The following RPS6KA5 variants were observed in gnomAD, a reference collection of about 807,000 sequenced individuals.
RPS6KA5 encodes ribosomal protein S6 kinase alpha-5.
RPS6KA5 carries 27 observed loss-of-function variants against 85.5 expected under a neutral mutation model. That is an observed-to-expected ratio of 0.32 (90% CI 0.23 to 0.44). The LOEUF (loss-of-function observed/expected upper bound fraction) is 0.44. Among genes scored for constraint, RPS6KA5 ranks in the 20% least tolerant of loss-of-function variants. The probability of loss-of-function intolerance (pLI) is 1.00; values close to 1 mark genes in which losing one functional copy is unlikely to be tolerated. For missense variants in RPS6KA5, 811 were observed against 980.9 expected (o/e 0.83, Z 2.31); for synonymous variants, 334 against 348.2 (o/e 0.96, Z 0.46).
chr14:90,878,102 TG>T (rs1358343877), intron 14 of RPS6KA5, among the ~76,000 whole-genome samples: 1 of 152,214 alleles, frequency 6.6e-6, no homozygotes, highest in African/African-American at 2.4e-5. Context: ...TATCACTTTG[TG>T]GGGTAACTCA....
chr14:90,914,783 GA>G (rs1595201621), intron 7 of RPS6KA5, among the ~76,000 whole-genome samples: 1 of 152,348 alleles, frequency 6.6e-6, no homozygotes, highest in East Asian at 1.9e-4. Context: ...AGTGCCAAGG[GA>G]AGGGCCATGT....
intron 1 of RPS6KA5, among the ~76,000 whole-genome samples, chr14:91,045,530 C>CT (rs1414466959): frequency 5.9e-5 from 9 of 152,206 alleles, no homozygotes; most frequent in Admixed American, 1.3e-4. Flanking sequence ...TCCCAAAGTG[C>CT]TGGGATTGCA....
At chr14:90,923,356 TACATA>T (rs1284368179) in intron 5 of RPS6KA5, 160 bp from the exon 6 acceptor site, 48 of 619,246 alleles carry the variant, frequency 7.8e-5, no homozygotes, top group Non-Finnish European at 1.3e-4. Context: ...GACCACTGTC[TACATA>T]ATATGAGTCC....
At chr14:90,951,118 CA>C (rs57389099) in intron 3 of RPS6KA5, among the ~76,000 whole-genome samples, 2,055 of 84,506 alleles carry the variant, frequency 0.024, 43 homozygotes, top group Admixed American at 0.098. Context: ...GACTCAGTCT[CA>C]AAAAAAAAAA....
At chr14:90,937,297 A>C (rs766298477) in intron 5 of RPS6KA5, among the ~76,000 whole-genome samples, 7 of 152,126 alleles carry the variant, frequency 4.6e-5, no homozygotes, top group Non-Finnish European at 1.0e-4. Flanking sequence ...AAGGAGGTAC[A>C]AGCAGAATTG....
At chr14:90,922,701 G>A (rs2036464423) in intron 6 of RPS6KA5, among the ~76,000 whole-genome samples, 1 of 152,130 alleles carries the variant, frequency 6.6e-6, no homozygotes, top group South Asian at 2.1e-4. Context: ...CATCCACCTT[G>A]GCCTTCCAAA....
chr14:91,017,571 C>A (rs12185015), intron 1 of RPS6KA5, among the ~76,000 whole-genome samples: 75,110 of 151,964 alleles, frequency 0.49, 18,856 homozygotes, highest in East Asian at 0.56. Flanking sequence ...CAATTCCTTG[C>A]AGGGCTGGGG....
chr14:90,899,246 C>G, intron 12 of RPS6KA5, 83 bp downstream of exon 12: 1 of 931,192 alleles, frequency 1.1e-6, no homozygotes, highest in South Asian at 1.5e-5. Context: ...TCTGACCCAG[C>G]AGCACCAACA....
chr14:91,013,370 G>C (rs976191370), intron 1 of RPS6KA5, among the ~76,000 whole-genome samples: 4 of 152,150 alleles, frequency 2.6e-5, no homozygotes, highest in African/African-American at 9.7e-5. Flanking sequence ...CACTATTAAA[G>C]AGAAATGAGG....
chr14:90,973,911 G>T (rs890283190), intron 3 of RPS6KA5, among the ~76,000 whole-genome samples: 5 of 151,538 alleles, frequency 3.3e-5, no homozygotes, highest in Non-Finnish European at 5.9e-5. Flanking sequence ...GGTGGCAGGT[G>T]CCTATAATCC....
chr14:90,889,795 G>A (rs1053354247), intron 14 of RPS6KA5, among the ~76,000 whole-genome samples: 1 of 152,082 alleles, frequency 6.6e-6, no homozygotes, highest in African/African-American at 2.4e-5. Context: ...AGGGGAGGAG[G>A]GGCTGAAGGG....
At position 90,862,322 on chromosome 14, in the gene RPS6KA5, A is replaced by G. The variant is rs186810909; in HGVS notation, c.*9752T>C. ...AGGTGCAAACTCTTCCAGAGTGTAGAAAAAAAGGGAACACATCTCCAACTT... is the reference window on the plus strand; with the variant it reads ...AGGTGCAAACTCTTCCAGAGTGTAGGAAAAAAGGGAACACATCTCCAACTT... On this transcript the variant is annotated 3_prime_UTR_variant, in exon 17 of 17. Transcript: ENST00000614987. 7.4e-6 allele frequency: 1 copy of G among 135,574 alleles called. No homozygotes were observed. The highest frequency in any genetic ancestry group is 2.2e-4 in the East Asian group (1 of 4,566). The allele number at this position is 135,574 out of a possible 1,614,324, so 8.4% of individuals were successfully genotyped here. A position where few individuals can be genotyped will look rare whatever the true frequency, so the allele number is the denominator to read the frequency against.
intron 5 of RPS6KA5, among the ~76,000 whole-genome samples, chr14:90,929,917 C>T (rs2036881589): frequency 6.6e-6 from 1 of 152,110 alleles, no homozygotes; most frequent in Non-Finnish European, 1.5e-5. Flanking sequence ...GTTGTCTAGG[C>T]TGGAGTGCAG....
intron 2 of RPS6KA5, among the ~76,000 whole-genome samples, chr14:90,997,072 T>A (rs1478994472): frequency 6.6e-6 from 1 of 152,214 alleles, no homozygotes; most frequent in East Asian, 1.9e-4. Context: ...AGTATAAGCA[T>A]ATAATATTTT....
At chr14:90,880,912 C>T (rs762986350) in intron 14 of RPS6KA5, among the ~76,000 whole-genome samples, 35 of 150,924 alleles carry the variant, frequency 2.3e-4, no homozygotes, top group Admixed American at 1.3e-3. Context: ...CGATTCACTG[C>T]AGCCTTGACC....
chr14:91,029,935 A>T (rs2042119535), intron 1 of RPS6KA5, among the ~76,000 whole-genome samples: 1 of 152,226 alleles, frequency 6.6e-6, no homozygotes, highest in Non-Finnish European at 1.5e-5. Context: ...AAACACATTC[A>T]ATAACCCACA....
chr14:91,051,525 G>A (rs1268454054), intron 1 of RPS6KA5, among the ~76,000 whole-genome samples: 3 of 152,006 alleles, frequency 2.0e-5, no homozygotes, highest in Non-Finnish European at 4.4e-5. Context: ...TTTTGCTGTT[G>A]TTGCCCAGGC....
intron 7 of RPS6KA5, among the ~76,000 whole-genome samples, chr14:90,917,808 C>A (rs867333901): frequency 6.6e-6 from 1 of 152,166 alleles, no homozygotes; most frequent in Non-Finnish European, 1.5e-5. Flanking sequence ...GCAATCCCCC[C>A]ACCTCACCCT....
In RPS6KA5 at chr14:90,861,900, A is replaced by C. The variant is rs906083332; in HGVS notation, c.*10174T>G. On this transcript the variant is annotated 3_prime_UTR_variant, in exon 17 of 17. Transcript: ENST00000614987. ...CGACAAAGACTCCATCTCAAAAAAA[A>C]AAAAAAAAAAGGGGAAAACAGATTT... 6.6e-6 allele frequency: 1 copy of C among 152,006 alleles called. No individual in the cohort carries two copies. The highest frequency in any genetic ancestry group is 1.5e-5 in the Non-Finnish European group (1 of 68,048). The allele number at this position is 152,006 out of a possible 1,614,324, so 9.4% of individuals were successfully genotyped here. A position where few individuals can be genotyped will look rare whatever the true frequency, so the allele number is the denominator to read the frequency against.
Sources: gnomAD v4.1 joint callset for allele counts (sites outside exome capture counted in the v4.1 genomes callset) on GRCh38, gnomAD v4.1.1 for gene constraint, MANE v1.5 for transcripts, NCBI Gene and HGNC (gene_info 2026-07-23, HGNC 2026-07-21) for gene names.